SH3PXD2A: variants seen among roughly 807,000 people sequenced by gnomAD.
The protein encoded by SH3PXD2A is SH3 and PX domain-containing protein 2A.
A neutral mutation model predicts 115.2 loss-of-function variants in SH3PXD2A; 32 were observed. The ratio of observed to expected loss-of-function variants is 0.28; its 90% CI spans 0.21 to 0.37. The LOEUF (loss-of-function observed/expected upper bound fraction) is 0.37, where lower values mean the gene tolerates loss of function less well. SH3PXD2A is among the 10% of genes least tolerant of loss of function. The pLI is 1.00. For synonymous variants in SH3PXD2A, 610 were observed against 629.1 expected (o/e 0.97, Z 0.45); for missense variants, 1,328 against 1,498.7 (o/e 0.89, Z 1.88).
chr10:103,678,477 C>G (rs766529612), intron 6 of SH3PXD2A, among the ~76,000 whole-genome samples: 1 of 152,206 alleles, frequency 6.6e-6, no homozygotes, highest in Non-Finnish European at 1.5e-5. Flanking sequence ...CACAGCTCGG[C>G]GGCTCTGTCT....
At chr10:103,684,581 T>TCTCA (rs1178500655) in intron 6 of SH3PXD2A, among the ~76,000 whole-genome samples, 1 of 151,902 alleles carries the variant, frequency 6.6e-6, no homozygotes, top group Non-Finnish European at 1.5e-5. Flanking sequence ...GAACTCCTGA[T>TCTCA]CTCAGGAGAT....
At chr10:103,667,959 G>A (rs2037405533) in intron 7 of SH3PXD2A, among the ~76,000 whole-genome samples, 1 of 152,220 alleles carries the variant, frequency 6.6e-6, no homozygotes, top group African/African-American at 2.4e-5. Context: ...CACAGGCCAA[G>A]GCCCTAGTCC....
At chr10:103,806,394 T>C (rs1707243963) in intron 1 of SH3PXD2A, among the ~76,000 whole-genome samples, 1 of 151,568 alleles carries the variant, frequency 6.6e-6, no homozygotes, top group Non-Finnish European at 1.5e-5. Context: ...CCCCAGCCCA[T>C]GCCTAGCTCC....
At chr10:103,814,019 C>CAA (rs1252173616) in intron 1 of SH3PXD2A, among the ~76,000 whole-genome samples, 13 of 123,520 alleles carry the variant, frequency 1.1e-4, no homozygotes, top group East Asian at 2.5e-4. Context: ...AAAAAAACAA[C>CAA]AAAAAAAAAA....
At chr10:103,837,659 A>G (rs559749845) in intron 1 of SH3PXD2A, among the ~76,000 whole-genome samples, 7 of 152,296 alleles carry the variant, frequency 4.6e-5, no homozygotes, top group African/African-American at 1.7e-4. Flanking sequence ...GCAGGCATCA[A>G]CAGTGCCCAC....
chr10:103,769,134 CTGTGTG>C (rs67426639), intron 2 of SH3PXD2A, among the ~76,000 whole-genome samples: 23,953 of 141,730 alleles, frequency 0.17, 2,176 homozygotes, highest in East Asian at 0.19. Flanking sequence ...AGGCTAGACT[CTGTGTG>C]TGTGTGTGTG....
At chr10:103,680,490 T>A (rs1447949759) in intron 6 of SH3PXD2A, among the ~76,000 whole-genome samples, 1 of 151,802 alleles carries the variant, frequency 6.6e-6, no homozygotes, top group Non-Finnish European at 1.5e-5. Flanking sequence ...TTGCCCAGGC[T>A]GGTCTCAAGC....
chr10:103,678,485 T>C (rs1424618650), intron 6 of SH3PXD2A, among the ~76,000 whole-genome samples: 1 of 152,192 alleles, frequency 6.6e-6, no homozygotes, highest in Non-Finnish European at 1.5e-5. Flanking sequence ...GGCGGCTCTG[T>C]CTAATGCTAA....
In SH3PXD2A at chr10:103,602,378, G is replaced by T; in HGVS notation, c.2840C>A (p.Pro947His). Residue 947 changes from proline (P) to histidine (H), a missense_variant, in exon 15 of 15, where the codon CCC (proline) becomes CAC (histidine). Around this residue, in one of 5 missense-constraint regions of SH3PXD2A, gnomAD observed 574 missense variants for 565.7 expected, o/e 1.01. Transcript: ENST00000369774. ...CCCGGGAGGTTTGGAGGGGATGGGG[G>T]GCGTGGCCTTCTTGCTCTGGTTGAC... ...NTVNQSKKAT[P>H]PIPSKPPGGF... 6.2e-7 allele frequency: 1 copy of T among 1,613,890 alleles called. No homozygotes were observed. Among genetic ancestry groups the T allele is most frequent in the South Asian group, 1.1e-5 (1 of 91,040 alleles).
chr10:103,760,192 T>C (rs966090452), intron 3 of SH3PXD2A, among the ~76,000 whole-genome samples: 22 of 152,176 alleles, frequency 1.4e-4, no homozygotes, highest in African/African-American at 5.3e-4. Flanking sequence ...AGTAACTCAC[T>C]GCATATGCAG....
At chr10:103,815,112 A>C (rs2039311400) in intron 1 of SH3PXD2A, among the ~76,000 whole-genome samples, 2 of 152,232 alleles carry the variant, frequency 1.3e-5, no homozygotes, top group Non-Finnish European at 2.9e-5. Context: ...AAGTCTTAGA[A>C]GAAAACATAG....
At chr10:103,661,911 C>T (rs547667805) in intron 7 of SH3PXD2A, 2 of 985,340 alleles carry the variant, frequency 2.0e-6, no homozygotes, top group African/African-American at 1.7e-5. Flanking sequence ...AGCCCGCCCC[C>T]CGCCAACTTT....
At chr10:103,780,296 C>T (rs1380468925) in intron 2 of SH3PXD2A, among the ~76,000 whole-genome samples, 2 of 152,262 alleles carry the variant, frequency 1.3e-5, no homozygotes, top group African/African-American at 4.8e-5. Context: ...TTCTCCTTCC[C>T]TTCCCCAAGC....
At chr10:103,661,159 G>A (rs750049934) in intron 7 of SH3PXD2A, 45 bp from the exon 8 acceptor site, 34 of 1,597,678 alleles carry the variant, frequency 2.1e-5, no homozygotes, top group African/African-American at 5.4e-5. Context: ...GCCAGCCATG[G>A]CCCCGCGGCC....
At chr10:103,678,001 G>A (rs929970185) in intron 6 of SH3PXD2A, 57 of 681,744 alleles carry the variant, frequency 8.4e-5, no homozygotes, top group East Asian at 1.3e-4. Flanking sequence ...GCAGGCCTCC[G>A]AGCCTGCAGA....
chr10:103,682,566 G>A (rs2037624344), intron 6 of SH3PXD2A, among the ~76,000 whole-genome samples: 1 of 152,176 alleles, frequency 6.6e-6, no homozygotes, highest in Non-Finnish European at 1.5e-5. Context: ...GACCAGCTTG[G>A]CCAACATGGT....
At chr10:103,662,593 G>A in intron 7 of SH3PXD2A, among the ~76,000 whole-genome samples, 1 of 150,634 alleles carries the variant, frequency 6.6e-6, no homozygotes, top group South Asian at 2.1e-4. Flanking sequence ...TAGAGACGGG[G>A]TTTCACCTTG....
chr10:103,690,862 C>T (rs2037741057), intron 6 of SH3PXD2A, among the ~76,000 whole-genome samples: 2 of 152,176 alleles, frequency 1.3e-5, no homozygotes, highest in Admixed American at 6.5e-5. Flanking sequence ...TCAACTCCAG[C>T]TGTCTGGCTT....
rs897566737 is a variant in SH3PXD2A, at chr10:103,660,901, G to A, written c.604+82C>T. 6 of 1,402,046 alleles carry A rather than the reference G, an allele frequency of 4.3e-6. 1 individual carries two copies. Among genetic ancestry groups the A allele is most frequent in the South Asian group, 1.2e-5 (1 of 86,450 alleles). The allele number at this position is 1,402,046 out of a possible 1,614,324, so 86.9% of individuals were successfully genotyped here. On this transcript the variant is annotated intron_variant, in intron 8 of 14. Coordinates refer to ENST00000369774, the MANE Select transcript of SH3PXD2A (RefSeq NM_001394015.1). The stretch of plus-strand genomic sequence containing the variant: ...AAATAACGTATAGCTGCAGCGGTGG[G>A]GGAGGAGGGAGGAACAAAAACCAGC...
Sources: gnomAD v4.1 joint callset for allele counts (sites outside exome capture counted in the v4.1 genomes callset) on GRCh38, gnomAD v4.1.1 for gene constraint, gnomAD v4.1.1 regional missense constraint, MANE v1.5 for transcripts, NCBI Gene and HGNC (gene_info 2026-07-23, HGNC 2026-07-21) for gene names.